Variants in AP2B1 observed in about 807,000 individuals in gnomAD.
AP2B1 encodes adaptor related protein complex 2 subunit beta 1, also known as AP-2 complex subunit beta.
In AP2B1, 23 loss-of-function variants were observed where a neutral mutation model predicts 102.0. The ratio of observed to expected loss-of-function variants is 0.23; its 90% CI spans 0.16 to 0.32. AP2B1 has a LOEUF of 0.32. AP2B1 is among the 10% of genes least tolerant of loss of function. The probability of loss-of-function intolerance (pLI) is 1.00; values close to 1 mark genes in which losing one functional copy is unlikely to be tolerated. For synonymous variants in AP2B1, 381 were observed against 421.2 expected, an observed-to-expected ratio of 0.90 and a Z score of 1.17; for missense variants, 541 against 1,157.4, an observed-to-expected ratio of 0.47 and a Z score of 7.73.
At chr17:35,607,128 C>T (rs2073706394) in intron 4 of AP2B1, among the ~76,000 whole-genome samples, 1 of 152,178 alleles carries the variant, frequency 6.6e-6, no homozygotes, top group African/African-American at 2.4e-5. Context: ...TGGTCTCGAA[C>T]TCCTGACCTC....
intron 9 of AP2B1, among the ~76,000 whole-genome samples, chr17:35,630,425 C>T (rs149328370): frequency 3.2e-4 from 49 of 152,224 alleles, no homozygotes; most frequent in African/African-American, 1.2e-3. Context: ...TCTTACTAGC[C>T]GTCTACTTAG....
intron 18 of AP2B1, among the ~76,000 whole-genome samples, chr17:35,695,961 G>A (rs1259629770): frequency 6.6e-6 from 1 of 152,152 alleles, no homozygotes; most frequent in Non-Finnish European, 1.5e-5. Context: ...GTAACCATGA[G>A]TATAACTGGC....
intron 2 of AP2B1, among the ~76,000 whole-genome samples, chr17:35,594,875 C>G (rs1252509591): frequency 2.0e-5 from 3 of 152,128 alleles, no homozygotes; most frequent in Non-Finnish European, 4.4e-5. Context: ...TAAAATTGTT[C>G]CTAAATAAAA....
chr17:35,607,873 C>T, intron 4 of AP2B1: 3 of 411,188 alleles, frequency 7.3e-6, no homozygotes, highest in Non-Finnish European at 1.3e-5. Flanking sequence ...TACGAACTCC[C>T]TAAACCTCTG....
Position 35,648,011 on chromosome 17 carries a change from C to A in AP2B1, c.1537-2519C>A, listed in dbSNP as rs148788969. On this transcript the variant is annotated intron_variant, in intron 12 of 21. Coordinates refer to ENST00000610402, the MANE Select transcript of AP2B1 (RefSeq NM_001030006.2). ...GGTTCAAATGATTCTTCTGCCTCAG[C>A]CTCCTGAGTAGCTGGGACTACAGGC... is the stretch of plus-strand genomic sequence containing the variant. 4.5e-3 allele frequency among the ~76,000 whole-genome samples: 684 copies of A among 152,028 alleles called. 2 individuals carry two copies. Among genetic ancestry groups the A allele is most frequent in the South Asian group, 0.014 (67 of 4,812 alleles).
chr17:35,724,929 G>GGT lies in AP2B1; in HGVS notation c.*1233_*1234dup, dbSNP rs1434790883. 5 of 152,308 alleles carry GGT rather than the reference G, an allele frequency of 3.3e-5. No homozygotes were observed. In the East Asian group the frequency reaches 9.6e-4, roughly 29 times the overall value. The allele number at this position is 152,308 out of a possible 1,614,324, so 9.4% of individuals were successfully genotyped here. On this transcript the variant is annotated 3_prime_UTR_variant, in exon 22 of 22. Transcript: ENST00000610402. Reference sequence around the variant, plus strand: ...AGGTAAAGCCAGATGCCAGAATGAAGGTGTAGCCAGTGTTTCCCATATGCC... The same window carrying GGT: ...AGGTAAAGCCAGATGCCAGAATGAAGGTGTGTAGCCAGTGTTTCCCATATGCC...
At chr17:35,606,476 G>A (rs1362045090) in intron 4 of AP2B1, among the ~76,000 whole-genome samples, 1 of 152,040 alleles carries the variant, frequency 6.6e-6, no homozygotes, top group African/African-American at 2.4e-5. Context: ...CTAACTTCAA[G>A]TGATCCACCC....
intron 6 of AP2B1, among the ~76,000 whole-genome samples, chr17:35,625,570 A>T (rs2142558882): frequency 6.6e-6 from 1 of 152,262 alleles, no homozygotes; most frequent in Non-Finnish European, 1.5e-5. Flanking sequence ...GGCTCTGAGG[A>T]TACAGCAGTG....
intron 5 of AP2B1, among the ~76,000 whole-genome samples, chr17:35,617,636 A>G (rs1004824377): frequency 2.0e-5 from 3 of 152,160 alleles, no homozygotes; most frequent in African/African-American, 2.4e-5. Flanking sequence ...CTCAACAGCA[A>G]CTTCCTGAAA....
At chr17:35,639,791 G>T in intron 11 of AP2B1, 31 bp downstream of exon 11, 1 of 1,596,896 alleles carries the variant, frequency 6.3e-7, no homozygotes, top group South Asian at 1.1e-5. Context: ...TATCCTAGTA[G>T]TTTTAGATGT....
intron 5 of AP2B1, among the ~76,000 whole-genome samples, chr17:35,616,103 G>A (rs71381464): frequency 0.014 from 1,547 of 107,676 alleles, 27 homozygotes; most frequent in African/African-American, 0.05. Flanking sequence ...TCATTACGTC[G>A]TTTTATATTA....
At chr17:35,699,543 T>C (rs2076202632) in intron 18 of AP2B1, among the ~76,000 whole-genome samples, 1 of 152,238 alleles carries the variant, frequency 6.6e-6, no homozygotes, top group South Asian at 2.1e-4. Context: ...AAGAGAGTTC[T>C]TGTTTGAATC....
chr17:35,674,062 G>A, intron 16 of AP2B1, 114 bp from the exon 17 acceptor site: 1 of 1,031,884 alleles, frequency 9.7e-7, no homozygotes, highest in South Asian at 1.9e-5. Flanking sequence ...ATTGCCTAAG[G>A]AAGTGAATTT....
At chr17:35,599,655 G>A (rs954137415) in intron 3 of AP2B1, among the ~76,000 whole-genome samples, 5 of 152,210 alleles carry the variant, frequency 3.3e-5, no homozygotes, top group African/African-American at 1.2e-4. Flanking sequence ...TGTGATCCCA[G>A]TATTTTGGGA....
At chr17:35,704,986 G>A (rs1005569440) in intron 18 of AP2B1, among the ~76,000 whole-genome samples, 7 of 152,144 alleles carry the variant, frequency 4.6e-5, no homozygotes, top group African/African-American at 1.4e-4. Flanking sequence ...AGCCGAGATC[G>A]CGCCATTGCA....
chr17:35,617,977 T>A (rs1374870661), intron 5 of AP2B1, among the ~76,000 whole-genome samples: 1 of 151,606 alleles, frequency 6.6e-6, no homozygotes, highest in Non-Finnish European at 1.5e-5. Flanking sequence ...TTTTATTTTT[T>A]GTAAACCTTG....
intron 9 of AP2B1, among the ~76,000 whole-genome samples, chr17:35,632,537 A>G (rs1190499972): frequency 6.6e-6 from 1 of 152,018 alleles, no homozygotes; most frequent in Admixed American, 6.6e-5. Context: ...TTCTTTCCTT[A>G]CTGTTATGAA....
intron 9 of AP2B1, among the ~76,000 whole-genome samples, chr17:35,633,851 C>A (rs2074531562): frequency 6.6e-6 from 1 of 151,868 alleles, no homozygotes. Flanking sequence ...AAATGAAAAT[C>A]TAAATATGGT....
Position 35,702,420 on chromosome 17 carries a change from C to G in AP2B1, c.2455-6804C>G, listed in dbSNP as rs587606036. 5.3e-5 allele frequency among the ~76,000 whole-genome samples: 8 copies of G among 152,248 alleles called. No individual in the cohort carries two copies. In the South Asian group the frequency reaches 1.7e-3, roughly 32 times the overall value. ...CAAAAAGCCATGAAGTAGGAGTGTA[C>G]CTGCTATGTGCAAGGAAGGAACAAC... On this transcript the variant is annotated intron_variant, in intron 18 of 21. Coordinates refer to ENST00000610402, the MANE Select transcript of AP2B1 (RefSeq NM_001030006.2).
Sources: allele counts gnomAD v4.1 joint callset (sites outside exome capture counted in the v4.1 genomes callset), GRCh38; gene constraint gnomAD v4.1.1; transcripts MANE v1.5; gene names NCBI Gene and HGNC (gene_info 2026-07-23, HGNC 2026-07-21).